The following ITGA2 variants were observed in gnomAD, a reference collection of about 807,000 sequenced individuals.
The protein encoded by ITGA2 is integrin subunit alpha 2.
ITGA2 carries 101 observed loss-of-function variants against 146.3 expected under a neutral mutation model. That is an observed-to-expected ratio of 0.69 (90% confidence interval 0.59 to 0.81). The LOEUF is 0.81. Among genes scored for constraint, ITGA2 ranks in the 40% least tolerant of loss-of-function variants. The probability of loss-of-function intolerance (pLI) is 0.00; values close to 1 mark genes in which losing one functional copy is unlikely to be tolerated. For missense variants in ITGA2, 1,281 were observed against 1,402.7 expected, an observed-to-expected ratio of 0.91 and a Z score of 1.39; for synonymous variants, 477 against 487.1, an observed-to-expected ratio of 0.98 and a Z score of 0.27.
At chr5:52,989,658 C>T (rs564684806) in intron 1 of ITGA2, 126 bp downstream of exon 1, 2 of 1,046,372 alleles carry the variant, frequency 1.9e-6, no homozygotes, top group South Asian at 2.7e-5. Flanking sequence ...CACGTGGACT[C>T]GGGCTCCCAG....
intron 21 of ITGA2, among the ~76,000 whole-genome samples, 175 bp from the exon 22 acceptor site, chr5:53,074,886 G>A (rs200105750): frequency 2.0e-5 from 3 of 151,962 alleles, no homozygotes; most frequent in East Asian, 3.9e-4. Context: ...TCTAATGTGA[G>A]GCATAGTAAA....
At position 53,056,099 on chromosome 5, in the gene ITGA2, C is replaced by G; in HGVS notation, c.1046C>G (p.Ala349Gly). 1.9e-6 allele frequency: 3 copies of G among 1,612,076 alleles called. No individual in the cohort carries two copies. Among genetic ancestry groups the G allele is most frequent in the Non-Finnish European group, 2.5e-6 (3 of 1,178,852 alleles). The change falls in exon 9 of 30, where the codon GCT becomes GGT. Residue 349 changes from alanine (A) to glycine (G), a missense_variant. Ala to Gly is a moderately conservative substitution (Grantham distance 60). Around this residue, in one of 3 missense-constraint regions of ITGA2, gnomAD observed 795 missense variants for 841.7 expected, o/e 0.94. Coordinates refer to ENST00000296585, the MANE Select transcript of ITGA2 (RefSeq NM_002203.4). ...TTTTTCAATGTGTCTGATGAAGCAGCTCTACTAGAAAAGGCTGGGACATTA... is the reference window on the plus strand; with the variant it reads ...TTTTTCAATGTGTCTGATGAAGCAGGTCTACTAGAAAAGGCTGGGACATTA... ...RYFFNVSDEA[A>G]LLEKAGTLGE... is the part of the protein sequence containing the mutation.
rs1267991774 is a variant in ITGA2, at chr5:53,051,430, C to T, written c.650C>T (p.Ala217Val). The change falls in exon 7 of 30, where the codon GCC becomes GTC. Residue 217 changes from alanine to valine, a missense_variant. Around this residue, in one of 3 missense-constraint regions of ITGA2, gnomAD observed 795 missense variants for 841.7 expected, o/e 0.94. Transcript: ENST00000296585. Reference sequence around the variant, plus strand: ...TTGAAGGTGGGGTTAATTCAGTATGCCAATAATCCAAGAGTTGTGTTTAAC... The same window carrying T: ...TTGAAGGTGGGGTTAATTCAGTATGTCAATAATCCAAGAGTTGTGTTTAAC... The part of the protein sequence containing the change: ...TKTQVGLIQY[A>V]NNPRVVFNLN... The T allele has an allele frequency of 6.2e-7, 1 of 1,613,272 alleles. No homozygotes were observed.
intron 3 of ITGA2, among the ~76,000 whole-genome samples, chr5:53,042,857 C>A (rs934235912): frequency 1.3e-5 from 2 of 150,262 alleles, no homozygotes; most frequent in African/African-American, 2.4e-5. Flanking sequence ...CCTAAAAAAA[C>A]AGCCCTGAGG....
intron 1 of ITGA2, 110 bp from the exon 2 acceptor site, chr5:53,026,638 T>C: frequency 1.0e-6 from 1 of 964,060 alleles, no homozygotes; most frequent in Non-Finnish European, 1.6e-6. Context: ...CGTTGATAAG[T>C]AATAATTATT....
chr5:53,067,054 A>G, intron 15 of ITGA2, 64 bp from the exon 16 acceptor site: 1 of 1,542,700 alleles, frequency 6.5e-7, no homozygotes, highest in South Asian at 1.1e-5. Flanking sequence ...CCTCTATGAT[A>G]AAGGATATAA....
At chr5:53,078,175 T>A (rs1745746299) in intron 23 of ITGA2, among the ~76,000 whole-genome samples, 1 of 152,140 alleles carries the variant, frequency 6.6e-6, no homozygotes, top group Non-Finnish European at 1.5e-5. Flanking sequence ...CTAAAACCTC[T>A]GGATCATCCA....
chr5:53,074,956 G>T, intron 21 of ITGA2, 105 bp from the exon 22 acceptor site: 1 of 771,332 alleles, frequency 1.3e-6, no homozygotes, highest in Non-Finnish European at 2.2e-6. Flanking sequence ...ATAAAATTCA[G>T]AATCAAATTT....
intron 29 of ITGA2, 72 bp downstream of exon 29, chr5:53,090,134 A>G (rs1484841576): frequency 2.2e-6 from 2 of 911,540 alleles, no homozygotes; most frequent in Admixed American, 1.7e-5. Context: ...CAAAACATCA[A>G]CTTCAGGTTT....
At chr5:53,038,270 C>G (rs183412786) in intron 2 of ITGA2, among the ~76,000 whole-genome samples, 2 of 151,550 alleles carry the variant, frequency 1.3e-5, no homozygotes, top group Non-Finnish European at 2.9e-5. Flanking sequence ...TCTCAGCAAG[C>G]CTCTCTCGGG....
At chr5:53,028,287 G>A (rs939916237) in intron 2 of ITGA2, among the ~76,000 whole-genome samples, 4 of 152,160 alleles carry the variant, frequency 2.6e-5, no homozygotes, top group East Asian at 1.9e-4. Flanking sequence ...GATGTAAATC[G>A]TGAGCTGGGT....
chr5:53,003,667 A>C (rs1741691605), intron 1 of ITGA2, among the ~76,000 whole-genome samples: 1 of 152,242 alleles, frequency 6.6e-6, no homozygotes, highest in African/African-American at 2.4e-5. Flanking sequence ...TCATCAAAGC[A>C]ATCACAAAGT....
chr5:53,021,703 G>C (rs1742690955), intron 1 of ITGA2, among the ~76,000 whole-genome samples: 2 of 152,200 alleles, frequency 1.3e-5, no homozygotes, highest in African/African-American at 4.8e-5. Context: ...ATGACACTCT[G>C]TGCTCACAGT....
At chr5:53,024,827 A>T (rs1742863410) in intron 1 of ITGA2, among the ~76,000 whole-genome samples, 1 of 152,190 alleles carries the variant, frequency 6.6e-6, no homozygotes, top group Admixed American at 6.5e-5. Context: ...AGAAAGATAC[A>T]CCAGGGCTCA....
chr5:52,997,733 G>GT (rs1430695820), intron 1 of ITGA2, among the ~76,000 whole-genome samples: 1 of 152,182 alleles, frequency 6.6e-6, no homozygotes, highest in Non-Finnish European at 1.5e-5. Context: ...TTGTTTACCA[G>GT]TTGCCTTCGA....
chr5:53,013,227 C>T (rs1184812406), intron 1 of ITGA2, among the ~76,000 whole-genome samples: 4 of 151,942 alleles, frequency 2.6e-5, no homozygotes, highest in African/African-American at 9.7e-5. Flanking sequence ...TTTATACTTT[C>T]AGGTTTTGCA....
At chr5:53,009,308 AAG>A (rs1742010586) in intron 1 of ITGA2, among the ~76,000 whole-genome samples, 1 of 152,144 alleles carries the variant, frequency 6.6e-6, no homozygotes, top group Non-Finnish European at 1.5e-5. Flanking sequence ...CTTATCTGGA[AAG>A]AGGGTTTCTG....
intron 13 of ITGA2, 29 bp from the exon 14 acceptor site, chr5:53,064,883 T>C: frequency 6.2e-7 from 1 of 1,602,482 alleles, no homozygotes; most frequent in Non-Finnish European, 8.5e-7. Context: ...AGGTTTGCTT[T>C]AATCATCCTT....
intron 1 of ITGA2, among the ~76,000 whole-genome samples, chr5:53,004,027 G>A (rs1741709316): frequency 6.6e-6 from 1 of 152,018 alleles, no homozygotes; most frequent in Non-Finnish European, 1.5e-5. Flanking sequence ...AAGTAGTAAG[G>A]TAGGCTGGGG....
Sources: allele counts gnomAD v4.1 joint callset (sites outside exome capture counted in the v4.1 genomes callset), GRCh38; gene constraint gnomAD v4.1.1; regional missense constraint gnomAD v4.1.1; transcripts MANE v1.5; gene names NCBI Gene and HGNC (gene_info 2026-07-23, HGNC 2026-07-21).